RIC1: variants seen among roughly 807,000 people sequenced by gnomAD.
RIC1 encodes the protein guanine nucleotide exchange factor subunit RIC1.
RIC1 carries 88 observed loss-of-function variants against 169.0 expected under a neutral mutation model. The ratio of observed to expected loss-of-function variants is 0.52; its 90% CI spans 0.44 to 0.62. The LOEUF is 0.62. Ranked by LOEUF, RIC1 falls within the 20% of genes least tolerant of loss-of-function variation. The pLI, the probability that RIC1 is intolerant of heterozygous loss-of-function variation, is 0.00. For synonymous variants in RIC1, 790 were observed against 601.5 expected (o/e 1.31, Z -4.59); for missense variants, 1,877 against 1,725.5 (o/e 1.09, Z -1.56).
intron 4 of RIC1, among the ~76,000 whole-genome samples, chr9:5,715,582 A>G (rs1823184345): frequency 1.3e-5 from 2 of 152,166 alleles, no homozygotes. Context: ...TTTATAACCA[A>G]TTATTTTCCC....
At chr9:5,762,890 T>C (rs1484917203) in intron 18 of RIC1, among the ~76,000 whole-genome samples, 2 of 152,194 alleles carry the variant, frequency 1.3e-5, no homozygotes, top group South Asian at 2.1e-4. Context: ...GCATCATTCA[T>C]TGCAAATTCT....
Position 5,755,581 on chromosome 9 carries a change from G to T in RIC1, c.1693-631G>T, listed in dbSNP as rs571465063. Reference sequence around the variant, plus strand: ...TGGATAAGAGAGACTACTGTATCTGGTTTTTTGTTTTGAGAAACAGCTGGT... The same window carrying T: ...TGGATAAGAGAGACTACTGTATCTGTTTTTTTGTTTTGAGAAACAGCTGGT... On this transcript the variant is annotated intron_variant, in intron 15 of 25. Coordinates refer to ENST00000414202, the MANE Select transcript of RIC1 (RefSeq NM_020829.4). Among the ~76,000 whole-genome samples the T allele has an allele frequency of 7.9e-5, 12 of 152,262 alleles. No homozygotes were observed. In the South Asian group the frequency reaches 2.5e-3, roughly 32 times the overall value.
chr9:5,631,824 G>C (rs1302381449), intron 1 of RIC1, among the ~76,000 whole-genome samples: 1 of 151,850 alleles, frequency 6.6e-6, no homozygotes, highest in Non-Finnish European at 1.5e-5. Context: ...TTCTTACTCT[G>C]TATGAAAGTT....
In RIC1 at chr9:5,747,460, G is replaced by A. The variant is rs758285219; in HGVS notation, c.1407G>A (p.Gln469=). 9 of 1,613,966 alleles carry A rather than the reference G, an allele frequency of 5.6e-6. No homozygotes were observed. The East Asian group carries it at 8.9e-5, about 16-fold the overall frequency. ...TTGCAGATGGAGGTTTAGAGTCTCA[G>A]GGATTAAGCACTTTACTTGGACATC... The part of the protein sequence containing the change: ...SPFADGGLES[Q]GLSTLLGHRH... The change falls in exon 12 of 26, where the codon CAG becomes CAA. Residue 469 remains glutamine, a synonymous_variant. Coordinates refer to ENST00000414202, the MANE Select transcript of RIC1 (RefSeq NM_020829.4).
rs143385069 is a variant in RIC1 at position 5,753,135 on chromosome 9, A to C, written c.1453-65A>C. 4.7e-4 allele frequency: 669 copies of C among 1,413,908 alleles called. 5 individuals carry two copies. In the African/African-American group the frequency reaches 8.0e-3, roughly 17 times the overall value. 87.6% of individuals were successfully genotyped at this position (1,413,908 alleles called of 1,614,324 possible). A position where few individuals can be genotyped will look rare whatever the true frequency, so the allele number is the denominator to read the frequency against. On this transcript the variant is annotated intron_variant, in intron 12 of 25. Transcript: ENST00000414202. ...GCAAGATGAATCTCATAGTGTGATA[A>C]CTTAATGCTTTAAGTTTAAATATAT...
chr9:5,694,788 T>C (rs374328970), intron 3 of RIC1, among the ~76,000 whole-genome samples: 1,022 of 101,980 alleles, frequency 0.01, 10 homozygotes, highest in Non-Finnish European at 0.016. Flanking sequence ...AGTTTTGGTT[T>C]TTGGTGGCTT....
intron 3 of RIC1, among the ~76,000 whole-genome samples, chr9:5,695,432 G>C (rs1355371013): frequency 7.9e-5 from 12 of 151,956 alleles, no homozygotes; most frequent in Non-Finnish European, 5.9e-5. Context: ...CACTCTTCCT[G>C]CCCACTAACA....
Position 5,629,231 on chromosome 9 carries a change from G to T in RIC1, c.-79G>T. 3 of 1,269,468 alleles carry T rather than the reference G, an allele frequency of 2.4e-6. No homozygotes were observed. The highest frequency in any genetic ancestry group is 3.0e-6 in the Non-Finnish European group (3 of 1,000,250). 78.6% of individuals were successfully genotyped at this position (1,269,468 alleles called of 1,614,324 possible). ...GCCGCCGCCGACTCGGCCGGTGGCG[G>T]TGTGGGAGGTGGGCGACCAGCCCGG... is the stretch of plus-strand genomic sequence containing the variant. On this transcript the variant is annotated 5_prime_UTR_variant, in exon 1 of 26. Transcript: ENST00000414202.
intron 1 of RIC1, among the ~76,000 whole-genome samples, chr9:5,630,323 A>G (rs1417664300): frequency 6.6e-6 from 1 of 152,182 alleles, no homozygotes; most frequent in Non-Finnish European, 1.5e-5. Flanking sequence ...TTCAGAGTAT[A>G]AAAATGCTTT....
At chr9:5,756,104 TAAAAA>T (rs370435478) in intron 15 of RIC1, 103 bp from the exon 16 acceptor site, 5 of 466,950 alleles carry the variant, frequency 1.1e-5, no homozygotes, top group African/African-American at 2.2e-5. Context: ...CTCCTGTTAC[TAAAAA>T]AAAAAAAAAA....
intron 1 of RIC1, among the ~76,000 whole-genome samples, chr9:5,646,654 C>A (rs1361749331): frequency 2.6e-5 from 4 of 152,088 alleles, no homozygotes; most frequent in African/African-American, 9.7e-5. Flanking sequence ...GTTAAGTACC[C>A]ACTGTGATGT....
chr9:5,753,289 A>T, intron 13 of RIC1, 51 bp downstream of exon 13: 1 of 1,538,090 alleles, frequency 6.5e-7, no homozygotes, highest in East Asian at 2.3e-5. Flanking sequence ...CATTTGCTGC[A>T]AGAGGCATTC....
intron 3 of RIC1, among the ~76,000 whole-genome samples, chr9:5,691,905 T>A (rs979697326): frequency 6.6e-6 from 1 of 152,038 alleles, no homozygotes; most frequent in African/African-American, 2.4e-5. Flanking sequence ...TTATAGTGTT[T>A]TGGAATAGTA....
intron 2 of RIC1, among the ~76,000 whole-genome samples, chr9:5,668,743 T>G (rs1455176701): frequency 6.6e-6 from 1 of 152,196 alleles, no homozygotes. Flanking sequence ...TAAAAAAAAT[T>G]TTCCCTTTTA....
chr9:5,737,866 A>C (rs1824820094), intron 7 of RIC1, among the ~76,000 whole-genome samples: 1 of 151,942 alleles, frequency 6.6e-6, no homozygotes, highest in South Asian at 2.1e-4. Flanking sequence ...ATAAGGAAGA[A>C]ATAATGTACT....
At chr9:5,694,634 T>C (rs1342276419) in intron 3 of RIC1, among the ~76,000 whole-genome samples, 1 of 152,162 alleles carries the variant, frequency 6.6e-6, no homozygotes, top group Non-Finnish European at 1.5e-5. Flanking sequence ...AAGTTCTGGA[T>C]AGTGAAAACT....
rs372090883 is a variant in RIC1 at position 5,659,531 on chromosome 9, T to G, written c.252+2841T>G. On this transcript the variant is annotated intron_variant, in intron 2 of 25. Transcript: ENST00000414202. ...GCCAGTCCCTAAGATGCTATATGAC[T>G]GTTTGAACTGGTTTTCTATTTCTGT... Among the ~76,000 whole-genome samples, 295 of 152,302 alleles carry G rather than the reference T, an allele frequency of 1.9e-3. 1 individual carries two copies. The highest frequency in any genetic ancestry group is 6.8e-3 in the African/African-American group (284 of 41,578).
At chr9:5,712,072 T>G (rs1228326451) in intron 3 of RIC1, among the ~76,000 whole-genome samples, 3 of 152,286 alleles carry the variant, frequency 2.0e-5, no homozygotes, top group Middle Eastern at 3.4e-3. Flanking sequence ...ATGATTTATA[T>G]TCCTTTGGGT....
intron 6 of RIC1, among the ~76,000 whole-genome samples, chr9:5,725,904 T>G (rs1231194607): frequency 6.6e-6 from 1 of 152,240 alleles, no homozygotes; most frequent in Non-Finnish European, 1.5e-5. Context: ...CTAGTTTGAT[T>G]GCACTGTGGT....
Sources: allele counts gnomAD v4.1 joint callset (sites outside exome capture counted in the v4.1 genomes callset), GRCh38; gene constraint gnomAD v4.1.1; transcripts MANE v1.5; gene names NCBI Gene and HGNC (gene_info 2026-07-23, HGNC 2026-07-21).